Variants in SCMH1 observed in about 807,000 individuals in gnomAD.
SCMH1 encodes Scm polycomb group protein homolog 1.
In SCMH1, 37 loss-of-function variants were observed where a neutral mutation model predicts 70.8. That is an observed-to-expected ratio of 0.52 (90% CI 0.40 to 0.69). The LOEUF (loss-of-function observed/expected upper bound fraction) is 0.69, where lower values mean the gene tolerates loss of function less well. SCMH1 is among the 30% of genes least tolerant of loss of function. The pLI, the probability that SCMH1 is intolerant of heterozygous loss-of-function variation, is 0.00. For synonymous variants in SCMH1, 292 were observed against 307.4 expected (o/e 0.95, Z 0.52); for missense variants, 607 against 827.3 (o/e 0.73, Z 3.27).
intron 12 of SCMH1, among the ~76,000 whole-genome samples, chr1:41,039,904 C>G (rs1645875753): frequency 6.6e-6 from 1 of 151,696 alleles, no homozygotes; most frequent in Non-Finnish European, 1.5e-5. Context: ...TTTTTATGCA[C>G]TGGAGTGTAT....
intron 1 of SCMH1, among the ~76,000 whole-genome samples, chr1:41,240,190 T>C (rs974867210): frequency 2.4e-4 from 37 of 152,202 alleles, no homozygotes; most frequent in Non-Finnish European, 1.2e-4. Context: ...ATTTAAAAAA[T>C]GAAGGCTTAA....
chr1:41,155,909 C>T (rs1344485585), intron 4 of SCMH1, among the ~76,000 whole-genome samples: 2 of 149,026 alleles, frequency 1.3e-5, no homozygotes, highest in Admixed American at 6.8e-5. Context: ...TGCTTGAACC[C>T]GGGAGGTGGA....
intron 1 of SCMH1, among the ~76,000 whole-genome samples, chr1:41,194,834 A>C (rs1652604578): frequency 6.6e-6 from 1 of 152,120 alleles, no homozygotes; most frequent in African/African-American, 2.4e-5. Flanking sequence ...AGAAGTTTGC[A>C]AACCTTTTCT....
At chr1:41,241,171 A>C (rs1375431746) in intron 1 of SCMH1, among the ~76,000 whole-genome samples, 1 of 152,210 alleles carries the variant, frequency 6.6e-6, no homozygotes, top group Non-Finnish European at 1.5e-5. Context: ...GGCTCGTCAA[A>C]TTATCGGGGG....
At position 41,189,810 on chromosome 1, in the gene SCMH1, C is replaced by A. The variant is rs549959456; in HGVS notation, c.-117-3560G>T. Among the ~76,000 whole-genome samples, 496 of 152,326 alleles carry A rather than the reference C, an allele frequency of 3.3e-3. 2 individuals are homozygous for A. Among genetic ancestry groups the A allele is most frequent in the Non-Finnish European group, 4.6e-3 (311 of 68,030 alleles). ...TAAGTGGCTAATGAAAATGCCATGA[C>A]TTCCTTTGTCCTACAGGCAGTCCTA... On this transcript the variant is annotated intron_variant, in intron 1 of 14. Transcript: ENST00000337495.
chr1:41,128,476 G>A lies in SCMH1; in HGVS notation c.413-11466C>T, dbSNP rs139488939. On this transcript the variant is annotated intron_variant, in intron 6 of 14. Coordinates refer to ENST00000337495, the Ensembl canonical transcript of SCMH1. ...TGTTTTCCTTTTAGAACTTAAAAAT[G>A]CTGCTCCACTGTATTCTGGCTTGCA... Among the ~76,000 whole-genome samples, 743 of 152,226 alleles carry A rather than the reference G, an allele frequency of 4.9e-3. 4 individuals are homozygous for A. Among genetic ancestry groups the A allele is most frequent in the Non-Finnish European group, 6.1e-3 (415 of 68,014 alleles).
rs956287111 is a variant in SCMH1 at position 41,140,393 on chromosome 1, A to T, written c.412+2485T>A. 4.6e-5 allele frequency among the ~76,000 whole-genome samples: 7 copies of T among 151,884 alleles called. No individual in the cohort carries two copies. The East Asian group carries it at 1.4e-3, about 29-fold the overall frequency. ...CTGCAACCTTCGCCTCCCGGGTTCA[A>T]CTGATTCTCCTGCCTCAGCCTCCCA... On this transcript the variant is annotated intron_variant, in intron 6 of 14. Coordinates refer to ENST00000337495, the Ensembl canonical transcript of SCMH1.
chr1:41,215,813 T>G (rs1657960122), intron 1 of SCMH1, among the ~76,000 whole-genome samples: 1 of 152,194 alleles, frequency 6.6e-6, no homozygotes, highest in Admixed American at 6.5e-5. Flanking sequence ...GATGTCTCAT[T>G]CATGTTTACA....
intron 10 of SCMH1, among the ~76,000 whole-genome samples, chr1:41,067,666 G>A (rs2148855835): frequency 6.6e-6 from 1 of 152,202 alleles, no homozygotes; most frequent in Middle Eastern, 3.4e-3. Context: ...AGGATGAATA[G>A]GCAGAGACCA....
chr1:41,234,561 G>T (rs12127194), intron 1 of SCMH1, among the ~76,000 whole-genome samples: 35,071 of 135,170 alleles, frequency 0.26, 4,924 homozygotes, highest in Admixed American at 0.33. Flanking sequence ...TCCGCCTCCC[G>T]CCTCCCACGT....
At chr1:41,242,172 C>CGGCG (rs1213118986), upstream of SCMH1, 39 of 116,712 alleles carry the variant, frequency 3.3e-4, no homozygotes, top group Middle Eastern at 4.1e-3. This position sits in a 1 kb window ranked among gnomAD's most constrained non-coding sequence, Gnocchi z 5.2. Context: ...CTCGGGAGAG[C>CGGCG]GGCGGGCGGG....
chr1:41,076,968 T>A (rs1266231227), intron 8 of SCMH1, among the ~76,000 whole-genome samples: 1 of 152,100 alleles, frequency 6.6e-6, no homozygotes, highest in African/African-American at 2.4e-5. Flanking sequence ...GACTGCTTTG[T>A]GAGAGGGACG....
At chr1:41,152,523 C>T in intron 4 of SCMH1, 5 of 1,469,882 alleles carry the variant, frequency 3.4e-6, no homozygotes, top group Non-Finnish European at 4.7e-6. Flanking sequence ...TGATACAGAC[C>T]TCATTGGATC....
chr1:41,155,420 CAACA>C (rs775839170), intron 4 of SCMH1, among the ~76,000 whole-genome samples: 15 of 151,964 alleles, frequency 9.9e-5, no homozygotes, highest in Admixed American at 2.0e-4. Context: ...ATGGAGCTTA[CAACA>C]AACAAACAAA....
intron 13 of SCMH1, among the ~76,000 whole-genome samples, chr1:41,032,840 G>A (rs144049756): frequency 0.14 from 21,038 of 151,980 alleles, 1,786 homozygotes; most frequent in Middle Eastern, 0.27. Context: ...TTAGCAGGGC[G>A]TAGTGGCAGG....
chr1:41,184,659 G>A (rs1649699107), intron 2 of SCMH1, among the ~76,000 whole-genome samples: 1 of 152,114 alleles, frequency 6.6e-6, no homozygotes, highest in African/African-American at 2.4e-5. Context: ...AGATGTCAGA[G>A]AGAGACTTTC....
At chr1:41,131,170 T>C (rs933349896) in intron 6 of SCMH1, among the ~76,000 whole-genome samples, 3 of 152,216 alleles carry the variant, frequency 2.0e-5, no homozygotes, top group African/African-American at 7.2e-5. Flanking sequence ...TGAACTGTCT[T>C]GGCATCCTTG....
exon 15 of SCMH1, chr1:41,028,107 AGGTGCCTGG>A (rs1643990398): frequency 6.4e-7 from 1 of 1,554,656 alleles, no homozygotes; most frequent in Admixed American, 1.7e-5. Context: ...AACCCCACTG[AGGTGCCTGG>A]GGTGGGCTGA....
At chr1:41,107,016 CTT>C (rs879613092) in intron 8 of SCMH1, among the ~76,000 whole-genome samples, 37 of 145,058 alleles carry the variant, frequency 2.6e-4, no homozygotes, top group Admixed American at 4.8e-4. Context: ...CTTGACCATA[CTT>C]TTTTTTTTTT....
Sources: gnomAD v4.1 joint callset for allele counts (sites outside exome capture counted in the v4.1 genomes callset) on GRCh38, gnomAD v4.1.1 for gene constraint, Gnocchi (gnomAD v3.1) non-coding constraint, MANE v1.5 for transcripts, NCBI Gene and HGNC (gene_info 2026-07-23, HGNC 2026-07-21) for gene names.